The following MARCHF4 variants were observed in gnomAD, a reference collection of about 807,000 sequenced individuals.
The protein encoded by MARCHF4 is membrane associated ring-CH-type finger 4.
Under a neutral mutation model 43.9 loss-of-function variants are expected in MARCHF4, and 14 were observed. The observed-to-expected ratio is 0.32, with a 90% CI of 0.21 to 0.50. The LOEUF (loss-of-function observed/expected upper bound fraction) is 0.50, where lower values mean the gene tolerates loss of function less well. Ranked by LOEUF, MARCHF4 falls within the 20% of genes least tolerant of loss-of-function variation. MARCHF4 has a pLI of 0.98. For missense variants in MARCHF4, 468 were observed against 536.7 expected, an observed-to-expected ratio of 0.87 and a Z score of 1.27; for synonymous variants, 226 against 213.3, an observed-to-expected ratio of 1.06 and a Z score of -0.52.
In MARCHF4 at chr2:216,308,611, C is replaced by T. The variant is rs142504079; in HGVS notation, c.517-24882G>A. Among the ~76,000 whole-genome samples, 98 of 152,276 alleles carry T rather than the reference C, an allele frequency of 6.4e-4. 1 individual carries two copies. The East Asian group carries it at 0.015, about 23-fold the overall frequency. On this transcript the variant is annotated intron_variant, in intron 1 of 3. Coordinates refer to ENST00000273067, the MANE Select transcript of MARCHF4 (RefSeq NM_020814.3). ...GTAAGCCAGGCCTGCACTCTGCTTC[C>T]GGAACTCTGAGTTGTGATCCTTCCA... is the stretch of plus-strand genomic sequence containing the variant.
intron 3 of MARCHF4, among the ~76,000 whole-genome samples, chr2:216,266,318 A>G (rs1405588291): frequency 6.6e-6 from 1 of 152,102 alleles, no homozygotes; most frequent in Non-Finnish European, 1.5e-5. Flanking sequence ...GCGTGCCAAT[A>G]CCTGGTACTG....
rs1417979346 is a variant in MARCHF4, at chr2:216,283,647, C to T, written c.599G>A (p.Arg200Gln). ...QPCLIKWISE[R>Q]GCWSCELCYY... ...GCACAGCTCGCAGCTCCAGCAGCCC[C>T]GCTCGCTGATCCACTTGATGAGGCA... Residue 200 changes from arginine to glutamine, a missense_variant, in exon 2 of 4, where the codon CGG (arginine) becomes CAG (glutamine). Physicochemically the swap from Arg to Gln is conservative, Grantham distance 43. Transcript: ENST00000273067. 2.5e-6 allele frequency: 4 copies of T among 1,613,850 alleles called. No homozygotes were observed. The highest frequency in any genetic ancestry group is 1.7e-6 in the Non-Finnish European group (2 of 1,179,742).
At chr2:216,271,691 G>C (rs1050539721) in intron 3 of MARCHF4, among the ~76,000 whole-genome samples, 1 of 152,084 alleles carries the variant, frequency 6.6e-6, no homozygotes, top group African/African-American at 2.4e-5. Context: ...TATTATATGG[G>C]GTTCAGTGAT....
intron 1 of MARCHF4, among the ~76,000 whole-genome samples, chr2:216,359,292 T>C (rs1692543889): frequency 6.6e-6 from 1 of 152,242 alleles, no homozygotes; most frequent in African/African-American, 2.4e-5. Context: ...GGTCCTGTTG[T>C]AGCCAAGCAC....
intron 1 of MARCHF4, among the ~76,000 whole-genome samples, chr2:216,360,125 G>A (rs934567258): frequency 2.0e-5 from 3 of 151,944 alleles, no homozygotes; most frequent in Non-Finnish European, 4.4e-5. Context: ...TCACAGCCTG[G>A]GACTCCATGT....
At chr2:216,323,308 T>G (rs551736708) in intron 1 of MARCHF4, among the ~76,000 whole-genome samples, 2 of 152,302 alleles carry the variant, frequency 1.3e-5, no homozygotes, top group East Asian at 3.9e-4. Context: ...TGGAGAGGTT[T>G]GTATGTAATT....
chr2:216,331,730 A>C (rs924781374), intron 1 of MARCHF4, among the ~76,000 whole-genome samples: 26 of 152,374 alleles, frequency 1.7e-4, no homozygotes, highest in African/African-American at 4.1e-4. Context: ...GAGAAAAATC[A>C]ATATGGTCAT....
chr2:216,310,095 G>C (rs1003433212), intron 1 of MARCHF4, among the ~76,000 whole-genome samples: 2 of 19,790 alleles, frequency 1.0e-4, no homozygotes, highest in African/African-American at 4.8e-4. Flanking sequence ...ACTGGGCCTA[G>C]ATGAGACCCT....
At chr2:216,294,014 C>T (rs950409038) in intron 1 of MARCHF4, among the ~76,000 whole-genome samples, 5 of 152,208 alleles carry the variant, frequency 3.3e-5, no homozygotes, top group African/African-American at 9.6e-5. Context: ...CAGTTAAAGA[C>T]TGACCTGCTC....
intron 3 of MARCHF4, among the ~76,000 whole-genome samples, chr2:216,268,876 T>C (rs1690888938): frequency 6.6e-6 from 1 of 152,204 alleles, no homozygotes; most frequent in South Asian, 2.1e-4. Flanking sequence ...GGGTTAAAAT[T>C]AGGTTTGAAA....
At chr2:216,354,959 CT>C (rs1256584490) in intron 1 of MARCHF4, among the ~76,000 whole-genome samples, 1 of 135,322 alleles carries the variant, frequency 7.4e-6, no homozygotes, top group African/African-American at 2.9e-5. Flanking sequence ...TTCTTTCTTT[CT>C]TTCTTTCTTT....
At chr2:216,316,800 C>G (rs923410889) in intron 1 of MARCHF4, among the ~76,000 whole-genome samples, 3 of 152,062 alleles carry the variant, frequency 2.0e-5, no homozygotes, top group Admixed American at 2.0e-4. Flanking sequence ...GAAAAAGGTA[C>G]CCCAGGTCAT....
intron 1 of MARCHF4, among the ~76,000 whole-genome samples, chr2:216,323,888 A>G (rs1691945620): frequency 6.6e-6 from 1 of 152,222 alleles, no homozygotes; most frequent in Non-Finnish European, 1.5e-5. Context: ...ACACCCTAAC[A>G]TCACAATTAA....
intron 1 of MARCHF4, among the ~76,000 whole-genome samples, chr2:216,354,204 A>G (rs1408082330): frequency 6.6e-6 from 1 of 152,224 alleles, no homozygotes; most frequent in African/African-American, 2.4e-5. Flanking sequence ...TCTGGGTCTT[A>G]AAGCACAGAG....
intron 1 of MARCHF4, among the ~76,000 whole-genome samples, chr2:216,320,015 T>C (rs546709761): frequency 2.0e-5 from 3 of 152,326 alleles, no homozygotes; most frequent in Middle Eastern, 3.4e-3. Context: ...AGAAGCTGAA[T>C]CATTAGTCAA....
chr2:216,328,332 G>T (rs1419184532), intron 1 of MARCHF4, among the ~76,000 whole-genome samples: 2 of 152,176 alleles, frequency 1.3e-5, no homozygotes, highest in Admixed American at 6.5e-5. Context: ...ACCATGCCCG[G>T]CTAATTTTTG....
In MARCHF4 at chr2:216,330,173, T is replaced by C. The variant is rs375583509; in HGVS notation, c.516+39572A>G. On this transcript the variant is annotated intron_variant, in intron 1 of 3. Coordinates refer to ENST00000273067, the MANE Select transcript of MARCHF4 (RefSeq NM_020814.3). ...ACTGATACCAGGCAAAGTAGATTTATAGCATGAAGCACTACCAGAGAGATT... is the reference window on the plus strand; with the variant it reads ...ACTGATACCAGGCAAAGTAGATTTACAGCATGAAGCACTACCAGAGAGATT... 2.0e-4 allele frequency among the ~76,000 whole-genome samples: 31 copies of C among 152,208 alleles called. 1 individual carries two copies. Among genetic ancestry groups the C allele is most frequent in the African/African-American group, 7.5e-4 (31 of 41,526 alleles).
chr2:216,353,925 G>A (rs2030495), intron 1 of MARCHF4, among the ~76,000 whole-genome samples: 80,413 of 151,980 alleles, frequency 0.53, 23,049 homozygotes, highest in East Asian at 0.78. Context: ...GCTAGTGGCT[G>A]TGCATGTGTT....
Position 216,332,061 on chromosome 2 carries a change from T to C in MARCHF4, c.516+37684A>G, listed in dbSNP as rs992747688. 5.3e-5 allele frequency among the ~76,000 whole-genome samples: 8 copies of C among 152,142 alleles called. 1 individual carries two copies. Among genetic ancestry groups the C allele is most frequent in the African/African-American group, 1.9e-4 (8 of 41,446 alleles). On this transcript the variant is annotated intron_variant, in intron 1 of 3. Coordinates refer to ENST00000273067, the MANE Select transcript of MARCHF4 (RefSeq NM_020814.3). ...CATTATTTGTAGTCAGTACATTATA[T>C]ACATAGAAAAAAATAATCTACAAAT...
Sources: gnomAD v4.1 joint callset for allele counts (sites outside exome capture counted in the v4.1 genomes callset) on GRCh38, gnomAD v4.1.1 for gene constraint, MANE v1.5 for transcripts, NCBI Gene and HGNC (gene_info 2026-07-23, HGNC 2026-07-21) for gene names.